The following PASD1 variants were observed in gnomAD, a reference collection of about 807,000 sequenced individuals.
PASD1 encodes the protein circadian clock protein PASD1.
PASD1 carries 13 observed loss-of-function variants against 58.8 expected under a neutral mutation model. The observed-to-expected ratio is 0.22, with a 90% CI of 0.14 to 0.35. PASD1 has a LOEUF of 0.35. PASD1 is among the 10% of genes least tolerant of loss of function. The pLI is 1.00. For missense variants in PASD1, 734 were observed against 568.3 expected (o/e 1.29, Z -2.96); for synonymous variants, 236 against 216.7 (o/e 1.09, Z -0.78).
chrX:151,647,429 T>C (rs1388187023), intron 8 of PASD1, among the ~76,000 whole-genome samples: 1 of 110,678 alleles, frequency 9.0e-6, no homozygotes, highest in Admixed American at 9.7e-5. Context: ...TTTATGTTTG[T>C]TTCATGACAC....
rs201256425 is a variant in PASD1 at position 151,621,574 on chromosome X, G to A, written c.400G>A (p.Val134Ile). 8 of 1,193,579 alleles carry A rather than the reference G, an allele frequency of 6.7e-6. No individual in the cohort carries two copies. The Admixed American group carries it at 1.1e-4, about 16-fold the overall frequency. The change falls in exon 6 of 16, where the codon GTA becomes ATA. Residue 134 changes from valine (V) to isoleucine (I), a missense_variant. Physicochemically the swap from Val to Ile is conservative, Grantham distance 29. Transcript: ENST00000370357. ...CGAAAACGTGAAATTTATTGTGAATGTAAGAGATATTTGTAATGGTAAGCA... is the reference window on the plus strand; with the variant it reads ...CGAAAACGTGAAATTTATTGTGAATATAAGAGATATTTGTAATGGTAAGCA... ...AYENVKFIVN[V>I]RDICNEFPVV...
At chrX:151,580,981 T>C (rs1000239242) in intron 1 of PASD1, among the ~76,000 whole-genome samples, 1 of 110,499 alleles carries the variant, frequency 9.0e-6, no homozygotes, top group African/African-American at 3.3e-5. Flanking sequence ...TATTTTTATT[T>C]CTATTAAATT....
chrX:151,580,344 G>A (rs780654303), intron 1 of PASD1, among the ~76,000 whole-genome samples: 26 of 111,263 alleles, frequency 2.3e-4, no homozygotes, highest in Non-Finnish European at 3.8e-4. Flanking sequence ...GGACTCTTCC[G>A]GAAAGATGTG....
chrX:151,667,929 T>C (rs2014406398), intron 11 of PASD1, among the ~76,000 whole-genome samples: 1 of 111,901 alleles, frequency 8.9e-6, no homozygotes, highest in Non-Finnish European at 1.9e-5. Context: ...AAGCCATTGG[T>C]AGCTTGATGG....
intron 11 of PASD1, among the ~76,000 whole-genome samples, chrX:151,666,109 T>C (rs931867370): frequency 9.1e-6 from 1 of 110,254 alleles, no homozygotes; most frequent in African/African-American, 3.3e-5. Context: ...ATAAAGGGTA[T>C]TGATGAACCA....
intron 1 of PASD1, among the ~76,000 whole-genome samples, chrX:151,575,209 A>AT (rs771942172): frequency 0.15 from 8,350 of 54,405 alleles, 549 homozygotes; most frequent in African/African-American, 0.31. Flanking sequence ...GTTTAAGACC[A>AT]TTTTTTTTTT....
intron 1 of PASD1, among the ~76,000 whole-genome samples, chrX:151,569,840 T>C (rs2012901587): frequency 9.0e-6 from 1 of 110,876 alleles, no homozygotes; most frequent in African/African-American, 3.3e-5. Context: ...CCATAGCCTT[T>C]CTTTCAGGAA....
intron 9 of PASD1, among the ~76,000 whole-genome samples, chrX:151,652,975 G>A (rs1488337429): frequency 9.1e-6 from 1 of 110,118 alleles, no homozygotes; most frequent in African/African-American, 3.3e-5. Flanking sequence ...TTGAGCAGAA[G>A]AATGGCATGA....
chrX:151,672,271 TGCAGAA>T lies in PASD1; in HGVS notation c.1534_1539del (p.Gln512_Lys513del). ...CAACAGCTGAGAGAGCAAAGGAAGG[TGCAGAA>T]GCAGAAGAAGATGCAGGAGAAGAAG... On this transcript the variant is annotated inframe_deletion, in exon 14 of 16. Coordinates refer to ENST00000370357, the MANE Select transcript of PASD1 (RefSeq NM_173493.3). 1 of 1,166,102 alleles carries T rather than the reference TGCAGAA, an allele frequency of 8.6e-7. No homozygotes were observed.
chrX:151,644,782 A>T (rs1476233428), intron 8 of PASD1, among the ~76,000 whole-genome samples: 1 of 110,408 alleles, frequency 9.1e-6, no homozygotes, highest in Non-Finnish European at 1.9e-5. Context: ...GGAGTTGAGA[A>T]AAATATTTTT....
At chrX:151,600,604 G>A (rs2013402807) in intron 1 of PASD1, among the ~76,000 whole-genome samples, 1 of 110,406 alleles carries the variant, frequency 9.1e-6, no homozygotes, top group Admixed American at 9.6e-5. Context: ...GCCTCTGGGA[G>A]TCCTGGCTAC....
intron 13 of PASD1, 69 bp from the exon 14 acceptor site, chrX:151,672,114 G>A: frequency 9.0e-7 from 1 of 1,110,347 alleles, no homozygotes; most frequent in Non-Finnish European, 1.2e-6. Context: ...TTGAATGGGA[G>A]TGTTAAATAA....
chrX:151,661,300 C>T (rs1229067162), intron 10 of PASD1, among the ~76,000 whole-genome samples: 1 of 111,926 alleles, frequency 8.9e-6, no homozygotes, highest in Non-Finnish European at 1.9e-5. Flanking sequence ...AATGGTCATC[C>T]CAAACTCATG....
At position 151,661,052 on chromosome X, in the gene PASD1, G is replaced by T. The variant is rs189390318; in HGVS notation, c.841+1216G>T. 9.0e-5 allele frequency among the ~76,000 whole-genome samples: 10 copies of T among 110,985 alleles called. No homozygotes were observed. In the East Asian group the frequency reaches 2.8e-3, roughly 31 times the overall value. ...CGCCTGTAGTCCCAGCTATTCAGGA[G>T]GCTGGGGCAGGAGAATGGCATGAAC... On this transcript the variant is annotated intron_variant, in intron 10 of 15. Coordinates refer to ENST00000370357, the MANE Select transcript of PASD1 (RefSeq NM_173493.3).
chrX:151,612,322 G>A (rs1245357514), intron 4 of PASD1, among the ~76,000 whole-genome samples: 1 of 105,911 alleles, frequency 9.4e-6, no homozygotes, highest in African/African-American at 3.5e-5. Flanking sequence ...AATCCTTTGG[G>A]TATATACCCA....
At chrX:151,616,033 G>A (rs1414854174) in intron 4 of PASD1, among the ~76,000 whole-genome samples, 1 of 112,151 alleles carries the variant, frequency 8.9e-6, no homozygotes, top group East Asian at 2.8e-4. Flanking sequence ...AAAAGGTACA[G>A]CAAAGAGGAC....
At chrX:151,657,835 G>T (rs774675809) in intron 9 of PASD1, among the ~76,000 whole-genome samples, 329 of 23,375 alleles carry the variant, frequency 0.014, 3 homozygotes, top group Non-Finnish European at 0.023. Context: ...GATTTTTTTG[G>T]AGGGTTTTTT....
chrX:151,620,861 A>AT, intron 4 of PASD1, 69 bp from the exon 5 acceptor site: 1 of 554,800 alleles, frequency 1.8e-6, no homozygotes, highest in Non-Finnish European at 2.8e-6. Context: ...ATTAACACAG[A>AT]TAAAAAAGTT....
intron 15 of PASD1, 72 bp from the exon 16 acceptor site, chrX:151,675,925 T>A: frequency 3.7e-6 from 4 of 1,084,040 alleles, no homozygotes; most frequent in Non-Finnish European, 5.0e-6. Context: ...ACTAAAGGAT[T>A]CCTCCTACCA....
Sources: gnomAD v4.1 joint callset for allele counts (sites outside exome capture counted in the v4.1 genomes callset) on GRCh38, gnomAD v4.1.1 for gene constraint, MANE v1.5 for transcripts, NCBI Gene and HGNC (gene_info 2026-07-23, HGNC 2026-07-21) for gene names.